EFCC1: variants seen among roughly 807,000 people sequenced by gnomAD.
EFCC1 encodes EF-hand and coiled-coil domain-containing protein 1.
A neutral mutation model predicts 52.1 loss-of-function variants in EFCC1; 50 were observed. The observed-to-expected ratio is 0.96, with a 90% CI of 0.76 to 1.21. EFCC1 has a LOEUF of 1.21. EFCC1 is among the 50% of genes most tolerant of loss of function. The pLI is 0.00. For synonymous variants in EFCC1, 399 were observed against 396.5 expected (o/e 1.01, Z -0.08); for missense variants, 837 against 867.3 (o/e 0.97, Z 0.44).
At chr3:129,002,347 G>A (rs1944827994) in intron 1 of EFCC1, 23 bp downstream of exon 1, 46 of 1,510,312 alleles carry the variant, frequency 3.0e-5, no homozygotes, top group Non-Finnish European at 4.0e-5. Context: ...CACGAAGGGA[G>A]GGTGGTAACG....
At chr3:129,037,858 C>G (rs903138542) in intron 6 of EFCC1, among the ~76,000 whole-genome samples, 3 of 148,694 alleles carry the variant, frequency 2.0e-5, no homozygotes, top group Non-Finnish European at 4.4e-5. Flanking sequence ...CTCAGGAGTT[C>G]GAGACCAGCC....
chr3:129,029,403 T>C (rs1046064863), intron 2 of EFCC1, among the ~76,000 whole-genome samples: 22 of 152,094 alleles, frequency 1.4e-4, no homozygotes, highest in African/African-American at 5.3e-4. Context: ...AGAAGGGAGA[T>C]GTTTCAATTA....
chr3:129,023,580 C>T (rs1945963585), intron 2 of EFCC1, among the ~76,000 whole-genome samples: 1 of 152,196 alleles, frequency 6.6e-6, no homozygotes, highest in Non-Finnish European at 1.5e-5. Flanking sequence ...GATCCACCCG[C>T]CTCGGCCTCC....
intron 2 of EFCC1, among the ~76,000 whole-genome samples, chr3:129,025,654 G>A (rs1313000702): frequency 3.9e-5 from 6 of 152,172 alleles, no homozygotes; most frequent in African/African-American, 1.4e-4. Context: ...GCATGTGAGT[G>A]TGATGAGGGG....
rs1945266743 is a variant in EFCC1, at chr3:129,010,363, C to A, written c.980+6286C>A. The stretch of plus-strand genomic sequence containing the variant: ...CCGGGGCAGGGCAGGCAGCCTAGGG[C>A]CAGCACCACTGGGCAGGGGCTGGTG... On this transcript the variant is annotated intron_variant, in intron 2 of 7. Transcript: ENST00000683648. This position sits in a 1 kb window ranked among gnomAD's most constrained non-coding sequence, Gnocchi z 4.3. Among the ~76,000 whole-genome samples, 1 of 152,222 alleles carries A rather than the reference C, an allele frequency of 6.6e-6. No homozygotes were observed. The highest frequency in any genetic ancestry group is 6.5e-5 in the Admixed American group (1 of 15,286).
chr3:129,028,516 A>G (rs1026932853), intron 2 of EFCC1, among the ~76,000 whole-genome samples: 8 of 152,206 alleles, frequency 5.3e-5, no homozygotes, highest in African/African-American at 1.9e-4. Context: ...GTGAGAACAC[A>G]GTGGTGCACG....
chr3:129,008,935 T>G (rs1175533265), intron 2 of EFCC1, among the ~76,000 whole-genome samples: 1 of 150,092 alleles, frequency 6.7e-6, no homozygotes, highest in South Asian at 2.1e-4. Context: ...CAGCTCCTTA[T>G]TCTTCAAATC....
Position 129,038,772 on chromosome 3 carries a change from C to A in EFCC1, c.1594-59C>A, listed in dbSNP as rs889194523. 5.1e-6 allele frequency: 8 copies of A among 1,560,288 alleles called. 1 individual carries two copies. The highest frequency in any genetic ancestry group is 2.2e-5 in the South Asian group (2 of 89,904). Reference sequence around the variant, plus strand: ...GCCCGTAGGGGCCACCAGTTCCCATCGGCTGAACAGGGACACAGCAACCAG... The same window carrying A: ...GCCCGTAGGGGCCACCAGTTCCCATAGGCTGAACAGGGACACAGCAACCAG... On this transcript the variant is annotated intron_variant, in intron 6 of 7. Transcript: ENST00000683648.
chr3:129,033,691 G>A (rs939794298), intron 4 of EFCC1, among the ~76,000 whole-genome samples: 3 of 152,184 alleles, frequency 2.0e-5, no homozygotes, highest in Non-Finnish European at 2.9e-5. Flanking sequence ...AGGGAAAATC[G>A]CAGTAAACCA....
intron 2 of EFCC1, among the ~76,000 whole-genome samples, chr3:129,007,987 C>T (rs1945148610): frequency 6.6e-6 from 1 of 152,226 alleles, no homozygotes; most frequent in Non-Finnish European, 1.5e-5. Context: ...GCATTCTTGG[C>T]AGGCACTGTC....
At chr3:129,023,929 C>T (rs1204568016) in intron 2 of EFCC1, among the ~76,000 whole-genome samples, 2 of 152,154 alleles carry the variant, frequency 1.3e-5, no homozygotes, top group African/African-American at 2.4e-5. Flanking sequence ...CTTCTCTGTC[C>T]TTTCTGGAAC....
chr3:129,037,481 G>T (rs2107941905), intron 6 of EFCC1, among the ~76,000 whole-genome samples: 1 of 152,284 alleles, frequency 6.6e-6, no homozygotes, highest in Non-Finnish European at 1.5e-5. Flanking sequence ...AGTGTTTAAA[G>T]AAATGCAACA....
intron 2 of EFCC1, among the ~76,000 whole-genome samples, chr3:129,016,125 G>GT (rs1353584276): frequency 6.6e-6 from 1 of 152,142 alleles, no homozygotes; most frequent in Non-Finnish European, 1.5e-5. Context: ...CTTTTGATGC[G>GT]TCCCCCTGGC....
In EFCC1 at chr3:129,007,122, A is replaced by G. The variant is rs777292051; in HGVS notation, c.980+3045A>G. On this transcript the variant is annotated intron_variant, in intron 2 of 7. Transcript: ENST00000683648. ...CTCACAGCCCAGCCTGATGGCCCCAACCACAAGCTCAAGTTGGGTTTGGTA... is the reference window on the plus strand; with the variant it reads ...CTCACAGCCCAGCCTGATGGCCCCAGCCACAAGCTCAAGTTGGGTTTGGTA... 1.0e-3 allele frequency among the ~76,000 whole-genome samples: 153 copies of G among 152,332 alleles called. 3 individuals are homozygous for G. The highest frequency in any genetic ancestry group is 2.8e-4 in the Non-Finnish European group (19 of 68,022).
Position 129,030,873 on chromosome 3 carries a change from T to C in EFCC1, c.1138+13T>C, listed in dbSNP as rs1235867556. On this transcript the variant is annotated intron_variant, in intron 3 of 7. Coordinates refer to ENST00000683648, the MANE Select transcript of EFCC1 (RefSeq NM_001377500.1). The stretch of plus-strand genomic sequence containing the variant: ...GCCCTGGATGAAGGTTTGTCCCCTG[T>C]GCGCCCAGTCTTCCTGCCAGGCTCA... 1 of 1,544,858 alleles carries C rather than the reference T, an allele frequency of 6.5e-7. No individual in the cohort carries two copies. The highest frequency in any genetic ancestry group is 8.8e-7 in the Non-Finnish European group (1 of 1,142,798).
chr3:129,027,380 C>T (rs1032169888), intron 2 of EFCC1, among the ~76,000 whole-genome samples: 1 of 152,154 alleles, frequency 6.6e-6, no homozygotes, highest in East Asian at 1.9e-4. Context: ...CTCTTGGGCT[C>T]GCGGGCCCTC....
At chr3:129,021,772 G>A (rs1347510984) in intron 2 of EFCC1, among the ~76,000 whole-genome samples, 1 of 152,180 alleles carries the variant, frequency 6.6e-6, no homozygotes, top group African/African-American at 2.4e-5. Flanking sequence ...TCACAGACAG[G>A]TTAAAGTATC....
In EFCC1 at chr3:129,003,841, C is replaced by T. The variant is rs1476605845; in HGVS notation, c.744C>T (p.Gly248=). Residue 248 remains glycine (G), a synonymous_variant, in exon 2 of 8, where the codon GGC becomes GGT. Transcript: ENST00000683648. ...CGAGCACCCACGAGATGGGGCACGG[C>T]GGGCCGGAGGCTGCGGTGCGGGAGC... ...SQASTHEMGH[G]GPEAAVRELR... 16 of 1,458,670 alleles carry T rather than the reference C, an allele frequency of 1.1e-5. No homozygotes were observed. Among genetic ancestry groups the T allele is most frequent in the Non-Finnish European group, 1.4e-5 (16 of 1,109,146 alleles). 90.4% of individuals were successfully genotyped at this position (1,458,670 alleles called of 1,614,324 possible). A position where few individuals can be genotyped will look rare whatever the true frequency, so the allele number is the denominator to read the frequency against.
chr3:129,008,152 C>G (rs1188274425), intron 2 of EFCC1, among the ~76,000 whole-genome samples: 4 of 152,344 alleles, frequency 2.6e-5, no homozygotes, highest in East Asian at 3.9e-4. Flanking sequence ...CGTGGAGTTT[C>G]CTAGCTGCAC....
Sources: allele counts gnomAD v4.1 joint callset (sites outside exome capture counted in the v4.1 genomes callset), GRCh38; gene constraint gnomAD v4.1.1; non-coding constraint Gnocchi (gnomAD v3.1); transcripts MANE v1.5; gene names NCBI Gene and HGNC (gene_info 2026-07-23, HGNC 2026-07-21).